Variants in SYN3 observed in about 807,000 individuals in gnomAD.
SYN3 encodes synapsin III.
A neutral mutation model predicts 65.8 loss-of-function variants in SYN3; 35 were observed. That is an observed-to-expected ratio of 0.53 (90% CI 0.41 to 0.70). The LOEUF (loss-of-function observed/expected upper bound fraction) is 0.70, where lower values mean the gene tolerates loss of function less well. Among genes scored for constraint, SYN3 ranks in the 30% least tolerant of loss-of-function variants. The pLI is 0.00. For synonymous variants in SYN3, 270 were observed against 292.9 expected (o/e 0.92, Z 0.80); for missense variants, 680 against 749.0 (o/e 0.91, Z 1.08).
At chr22:32,825,103 A>C (rs2047363173) in intron 6 of SYN3, among the ~76,000 whole-genome samples, 1 of 152,120 alleles carries the variant, frequency 6.6e-6, no homozygotes, top group Non-Finnish European at 1.5e-5. Context: ...GGGTTTGGTA[A>C]ACAGCTGGCC....
At chr22:32,587,242 A>G (rs2710388) in intron 7 of SYN3, among the ~76,000 whole-genome samples, 28,948 of 128,022 alleles carry the variant, frequency 0.23, 3,536 homozygotes, top group African/African-American at 0.29. Context: ...AAAAAAAAAA[A>G]AGAGAGAGAG....
chr22:32,791,077 A>G (rs2046314217), intron 6 of SYN3, among the ~76,000 whole-genome samples: 1 of 152,214 alleles, frequency 6.6e-6, no homozygotes, highest in Non-Finnish European at 1.5e-5. Flanking sequence ...TGGCTACATT[A>G]CTAAACGTCT....
intron 6 of SYN3, among the ~76,000 whole-genome samples, chr22:32,758,996 G>A (rs914779900): frequency 1.3e-5 from 2 of 151,810 alleles, no homozygotes; most frequent in African/African-American, 2.4e-5. Flanking sequence ...TTTCAAGGGA[G>A]GGTCCTGTCC....
intron 4 of SYN3, among the ~76,000 whole-genome samples, chr22:32,920,233 G>T (rs1386861086): frequency 6.6e-6 from 1 of 152,168 alleles, no homozygotes; most frequent in Non-Finnish European, 1.5e-5. Context: ...TTAGATTGGG[G>T]TCTCATTAAC....
intron 6 of SYN3, among the ~76,000 whole-genome samples, chr22:32,670,928 G>T (rs1203759129): frequency 6.6e-6 from 1 of 152,220 alleles, no homozygotes; most frequent in African/African-American, 2.4e-5. Flanking sequence ...ACACCCCTAG[G>T]TGACCACTAC....
At chr22:32,692,155 C>CAAAAAAAAAAAAAAAAAAAAAAAAGAA (rs1188224009) in intron 6 of SYN3, among the ~76,000 whole-genome samples, 1 of 34,490 alleles carries the variant, frequency 2.9e-5, no homozygotes, top group Non-Finnish European at 4.3e-5. Flanking sequence ...GACAAAAAGA[C>CAAAAAAAAAAAAAAAAAAAAAAAAGAA]AAAAAAAAAA....
At chr22:32,839,018 C>A (rs1166476234) in intron 6 of SYN3, among the ~76,000 whole-genome samples, 2 of 151,410 alleles carry the variant, frequency 1.3e-5, no homozygotes, top group Non-Finnish European at 2.9e-5. Context: ...AGAAGGCTTC[C>A]TGGAGGAGGT....
chr22:32,920,705 T>A (rs1258215029), intron 4 of SYN3, among the ~76,000 whole-genome samples: 7 of 152,194 alleles, frequency 4.6e-5, no homozygotes, highest in Non-Finnish European at 2.9e-5. Context: ...GACCCCATTC[T>A]ATGCTTTTTC....
At chr22:32,814,351 G>GGA (rs1569245527) in intron 6 of SYN3, among the ~76,000 whole-genome samples, 15 of 14,580 alleles carry the variant, frequency 1.0e-3, no homozygotes, top group East Asian at 0.01. Context: ...GAAAGAAAGA[G>GGA]AGAAAGAAAG....
intron 6 of SYN3, among the ~76,000 whole-genome samples, chr22:32,765,566 G>A (rs1079734): frequency 0.65 from 98,562 of 151,996 alleles, 32,511 homozygotes; most frequent in African/African-American, 0.78. Context: ...ACAGGCGAGA[G>A]GGTGACAGTG....
intron 6 of SYN3, among the ~76,000 whole-genome samples, chr22:32,613,329 A>C (rs1202572670): frequency 6.6e-6 from 1 of 152,194 alleles, no homozygotes; most frequent in Non-Finnish European, 1.5e-5. Flanking sequence ...ATATTGGTAC[A>C]GGGTACCAGC....
chr22:32,781,032 T>C (rs1011949485), intron 6 of SYN3, among the ~76,000 whole-genome samples: 2 of 147,200 alleles, frequency 1.4e-5, no homozygotes, highest in African/African-American at 5.0e-5. Flanking sequence ...TCTCTCTTTT[T>C]TCTTTCTTTC....
chr22:32,918,996 G>T (rs1325953345), intron 4 of SYN3, among the ~76,000 whole-genome samples: 1 of 152,216 alleles, frequency 6.6e-6, no homozygotes, highest in African/African-American at 2.4e-5. Context: ...TAGATGCTTT[G>T]TGAGCTCGGA....
intron 6 of SYN3, among the ~76,000 whole-genome samples, chr22:32,666,034 A>G (rs1048272868): frequency 1.3e-5 from 2 of 152,140 alleles, no homozygotes; most frequent in Non-Finnish European, 2.9e-5. Context: ...CATCAGGTCA[A>G]AACCCTGCGG....
intron 4 of SYN3, among the ~76,000 whole-genome samples, chr22:32,895,226 G>A (rs917048647): frequency 3.3e-5 from 5 of 152,184 alleles, no homozygotes; most frequent in African/African-American, 7.2e-5. Flanking sequence ...TTTATTAGCA[G>A]GTGTGTTGAA....
chr22:32,628,869 T>C (rs1365070276), intron 6 of SYN3, among the ~76,000 whole-genome samples: 1 of 152,150 alleles, frequency 6.6e-6, no homozygotes, highest in East Asian at 1.9e-4. Context: ...ATTTCCCTCG[T>C]TGTAACTGAA....
chr22:32,515,940 A>G (rs925950361), intron 13 of SYN3, among the ~76,000 whole-genome samples: 1 of 152,054 alleles, frequency 6.6e-6, no homozygotes, highest in Admixed American at 6.5e-5. Context: ...CTGGGACTAC[A>G]GGCGCACGCT....
At chr22:32,571,786 T>G (rs2058762331) in intron 7 of SYN3, among the ~76,000 whole-genome samples, 1 of 152,052 alleles carries the variant, frequency 6.6e-6, no homozygotes, top group African/African-American at 2.4e-5. Flanking sequence ...TTGAGTGTCT[T>G]CTAGAATCAA....
intron 4 of SYN3, among the ~76,000 whole-genome samples, chr22:32,895,666 T>G (rs920825476): frequency 1.3e-5 from 2 of 152,206 alleles, no homozygotes; most frequent in African/African-American, 4.8e-5. Context: ...TACTTGCAGC[T>G]AAAAGCATTC....
Sources: gnomAD v4.1 joint callset for allele counts (sites outside exome capture counted in the v4.1 genomes callset) on GRCh38, gnomAD v4.1.1 for gene constraint, MANE v1.5 for transcripts, NCBI Gene and HGNC (gene_info 2026-07-23, HGNC 2026-07-21) for gene names.